DGKI: variants seen among roughly 807,000 people sequenced by gnomAD.
DGKI encodes diacylglycerol kinase iota.
In DGKI, 55 loss-of-function variants were observed where a neutral mutation model predicts 147.5. The observed-to-expected ratio is 0.37, with a 90% confidence interval of 0.30 to 0.47. The LOEUF is 0.47. DGKI is among the 20% of genes least tolerant of loss of function. The pLI is 1.00. For missense variants in DGKI, 1,007 were observed against 1,323.8 expected, an observed-to-expected ratio of 0.76 and a Z score of 3.71; for synonymous variants, 469 against 477.1, an observed-to-expected ratio of 0.98 and a Z score of 0.22.
At chr7:137,526,881 T>G (rs1817166437) in intron 20 of DGKI, among the ~76,000 whole-genome samples, 5 of 152,144 alleles carry the variant, frequency 3.3e-5, no homozygotes, top group Admixed American at 3.3e-4. Context: ...GAGACGCCTC[T>G]CATCCAATCT....
At chr7:137,618,127 C>CCATATATATA (rs1416867213) in intron 8 of DGKI, among the ~76,000 whole-genome samples, 1 of 16,194 alleles carries the variant, frequency 6.2e-5, no homozygotes, top group Non-Finnish European at 3.1e-4. Flanking sequence ...TTCTAAAATA[C>CCATATATATA]TATATATATA....
intron 1 of DGKI, among the ~76,000 whole-genome samples, chr7:137,762,708 C>A (rs1408773836): frequency 6.6e-6 from 1 of 152,174 alleles, no homozygotes; most frequent in Non-Finnish European, 1.5e-5. Flanking sequence ...TCTCCCCAAG[C>A]CCTTACCCAC....
At chr7:137,530,988 G>C (rs1817318929) in intron 20 of DGKI, among the ~76,000 whole-genome samples, 1 of 151,982 alleles carries the variant, frequency 6.6e-6, no homozygotes, top group East Asian at 1.9e-4. Context: ...TTGGTGAACT[G>C]GCAACTAGAG....
chr7:137,451,718 G>A (rs1385810433), intron 27 of DGKI, among the ~76,000 whole-genome samples: 2 of 152,080 alleles, frequency 1.3e-5, no homozygotes, highest in African/African-American at 4.8e-5. Flanking sequence ...TTTACAATAG[G>A]TTTTAGATAT....
chr7:137,528,545 G>T (rs1436233743), intron 20 of DGKI, among the ~76,000 whole-genome samples: 1 of 152,166 alleles, frequency 6.6e-6, no homozygotes, highest in African/African-American at 2.4e-5. Context: ...AGTTGAGTAA[G>T]TTCTCAGTCT....
intron 1 of DGKI, among the ~76,000 whole-genome samples, chr7:137,768,917 G>A (rs1312298517): frequency 6.6e-6 from 1 of 152,174 alleles, no homozygotes; most frequent in African/African-American, 2.4e-5. Context: ...TAGAAGATGA[G>A]GTGTTAGCAC....
intron 15 of DGKI, among the ~76,000 whole-genome samples, chr7:137,578,907 C>T (rs1310072071): frequency 6.6e-6 from 1 of 152,066 alleles, no homozygotes; most frequent in Admixed American, 6.5e-5. Flanking sequence ...GGAATTAATG[C>T]CAGTTTAATT....
In DGKI at chr7:137,384,352, A is replaced by T. The variant is rs750440314; in HGVS notation, c.*6868T>A. On this transcript the variant is annotated 3_prime_UTR_variant, in exon 33 of 33. Coordinates refer to ENST00000614521, the MANE Select transcript of DGKI (RefSeq NM_001321708.2). ...AAAAACTCTGACTTTTTGATTTCAC[A>T]TTCTCCCTTATTTCTAACTCATTCT... is the stretch of plus-strand genomic sequence containing the variant. 1 of 151,828 alleles carries T rather than the reference A, an allele frequency of 6.6e-6. No individual in the cohort carries two copies. The highest frequency in any genetic ancestry group is 2.1e-4 in the South Asian group (1 of 4,810). The allele number at this position is 151,828 out of a possible 1,614,324, so 9.4% of individuals were successfully genotyped here. A position where few individuals can be genotyped will look rare whatever the true frequency, so the allele number is the denominator to read the frequency against.
At chr7:137,430,379 G>A (rs1406873886) in intron 28 of DGKI, among the ~76,000 whole-genome samples, 1 of 142,886 alleles carries the variant, frequency 7.0e-6, no homozygotes, top group Non-Finnish European at 1.5e-5. Flanking sequence ...ACAGGAAGGG[G>A]AACATCACAC....
chr7:137,589,655 TAAAGGCCATAA>T (rs896035773), intron 12 of DGKI, among the ~76,000 whole-genome samples: 2 of 152,158 alleles, frequency 1.3e-5, no homozygotes, highest in African/African-American at 4.8e-5. Context: ...GAAGGGGTCT[TAAAGGCCATAA>T]AAAGGACATA....
intron 1 of DGKI, among the ~76,000 whole-genome samples, chr7:137,699,738 C>G (rs564919127): frequency 2.0e-5 from 3 of 152,250 alleles, no homozygotes; most frequent in Admixed American, 6.5e-5. Context: ...AAAAGTGTAT[C>G]ATTAGCATCC....
chr7:137,596,246 G>A lies in DGKI; in HGVS notation c.1311+1601C>T, dbSNP rs114753881. 6.0e-3 allele frequency among the ~76,000 whole-genome samples: 908 copies of A among 152,138 alleles called. 4 individuals are homozygous for A. Among genetic ancestry groups the A allele is most frequent in the African/African-American group, 0.021 (876 of 41,504 alleles). On this transcript the variant is annotated intron_variant, in intron 12 of 32. Transcript: ENST00000614521. Reference sequence around the variant, plus strand: ...TCAACTTATCTGTTTTTGTCACTGAGGTTTAGAAAAGGAGAAAAGATGTGA... The same window carrying A: ...TCAACTTATCTGTTTTTGTCACTGAAGTTTAGAAAAGGAGAAAAGATGTGA...
chr7:137,835,559 C>A (rs1157611465), intron 1 of DGKI, among the ~76,000 whole-genome samples: 2 of 152,152 alleles, frequency 1.3e-5, no homozygotes. Flanking sequence ...AAAGAAAGAG[C>A]CTGACTCTAT....
intron 5 of DGKI, among the ~76,000 whole-genome samples, chr7:137,651,362 G>A (rs1000267294): frequency 6.6e-6 from 1 of 152,148 alleles, no homozygotes; most frequent in South Asian, 2.1e-4. Flanking sequence ...GACAGGACAG[G>A]CAAATGAATT....
chr7:137,521,048 T>C (rs1372467831), intron 21 of DGKI, among the ~76,000 whole-genome samples: 1 of 152,038 alleles, frequency 6.6e-6, no homozygotes, highest in Non-Finnish European at 1.5e-5. Flanking sequence ...CCAGTTTTCC[T>C]TATCTTCTTT....
chr7:137,604,015 C>G (rs971240742), intron 10 of DGKI, among the ~76,000 whole-genome samples: 2 of 152,176 alleles, frequency 1.3e-5, no homozygotes, highest in East Asian at 3.9e-4. Flanking sequence ...TTTTATGCAT[C>G]GCTCTGGCTA....
At chr7:137,603,270 A>C (rs909785693) in intron 10 of DGKI, among the ~76,000 whole-genome samples, 9 of 152,198 alleles carry the variant, frequency 5.9e-5, no homozygotes, top group African/African-American at 2.2e-4. Context: ...GGTCGGTTCA[A>C]ATAGCTCATC....
chr7:137,798,341 G>A (rs138772027), intron 1 of DGKI, among the ~76,000 whole-genome samples: 183 of 152,264 alleles, frequency 1.2e-3, no homozygotes, highest in Non-Finnish European at 6.6e-4. Context: ...CCTACTCTAC[G>A]TGGCCAGTAT....
chr7:137,505,470 C>T (rs2128944729), intron 21 of DGKI, among the ~76,000 whole-genome samples: 1 of 151,940 alleles, frequency 6.6e-6, no homozygotes, highest in South Asian at 2.1e-4. Context: ...GGAGAATTAC[C>T]CTAGATACAA....
Sources: allele counts gnomAD v4.1 joint callset (sites outside exome capture counted in the v4.1 genomes callset), GRCh38; gene constraint gnomAD v4.1.1; transcripts MANE v1.5; gene names NCBI Gene and HGNC (gene_info 2026-07-23, HGNC 2026-07-21).